Variants in ADAMTS12 observed in about 807,000 individuals in gnomAD.
ADAMTS12 encodes A disintegrin and metalloproteinase with thrombospondin motifs 12.
ADAMTS12 carries 118 observed loss-of-function variants against 167.8 expected under a neutral mutation model. The observed-to-expected ratio is 0.70, with a 90% CI of 0.61 to 0.82. ADAMTS12 has a LOEUF of 0.82. ADAMTS12 is among the 40% of genes least tolerant of loss of function. ADAMTS12 has a pLI of 0.00. For missense variants in ADAMTS12, 1,916 were observed against 1,998.8 expected, an observed-to-expected ratio of 0.96 and a Z score of 0.79; for synonymous variants, 704 against 716.9, an observed-to-expected ratio of 0.98 and a Z score of 0.29.
intron 2 of ADAMTS12, among the ~76,000 whole-genome samples, chr5:33,842,930 A>C (rs951149185): frequency 6.6e-6 from 1 of 152,224 alleles, no homozygotes; most frequent in African/African-American, 2.4e-5. Context: ...CATAGGGTCA[A>C]CTTCATAGAT....
intron 2 of ADAMTS12, among the ~76,000 whole-genome samples, chr5:33,872,417 C>T (rs1478966375): frequency 1.3e-5 from 2 of 151,970 alleles, no homozygotes; most frequent in African/African-American, 4.8e-5. Context: ...TATGGTGGCA[C>T]ACCCCTGTAG....
intron 16 of ADAMTS12, among the ~76,000 whole-genome samples, chr5:33,601,106 A>AGTGTGTGT (rs55841502): frequency 0.042 from 6,075 of 145,842 alleles, 135 homozygotes; most frequent in Middle Eastern, 0.087. Context: ...CACATTTAAG[A>AGTGTGTGT]GTGTGTGTGT....
intron 16 of ADAMTS12, among the ~76,000 whole-genome samples, chr5:33,603,067 A>G (rs1422935067): frequency 6.6e-6 from 1 of 152,200 alleles, no homozygotes; most frequent in African/African-American, 2.4e-5. Context: ...CCACTGTTGT[A>G]CCTACAGGCC....
chr5:33,866,031 T>C (rs1420301598), intron 2 of ADAMTS12, among the ~76,000 whole-genome samples: 1 of 152,180 alleles, frequency 6.6e-6, no homozygotes, highest in Non-Finnish European at 1.5e-5. Context: ...GTGACCATAC[T>C]GCAAAAGTAA....
At chr5:33,788,749 C>G (rs548958042) in intron 2 of ADAMTS12, among the ~76,000 whole-genome samples, 1 of 152,258 alleles carries the variant, frequency 6.6e-6, no homozygotes, top group South Asian at 2.1e-4. Flanking sequence ...AAACCTATTA[C>G]CAAAAACCCT....
chr5:33,782,548 C>T (rs999353136), intron 2 of ADAMTS12, among the ~76,000 whole-genome samples: 5 of 151,892 alleles, frequency 3.3e-5, no homozygotes, highest in African/African-American at 4.8e-5. Context: ...ACAAGAAACA[C>T]ACATTATATT....
At chr5:33,864,951 C>T (rs1342230186) in intron 2 of ADAMTS12, among the ~76,000 whole-genome samples, 2 of 151,920 alleles carry the variant, frequency 1.3e-5, no homozygotes, top group African/African-American at 4.8e-5. Context: ...AACAAACCTG[C>T]ACATTCTGCA....
chr5:33,696,278 G>A (rs1179924160), intron 3 of ADAMTS12, among the ~76,000 whole-genome samples: 5 of 151,374 alleles, frequency 3.3e-5, no homozygotes, highest in East Asian at 3.9e-4. Context: ...AAAATTAGCC[G>A]GGCACGGTGG....
At position 33,560,992 on chromosome 5, in the gene ADAMTS12, C is replaced by G. The variant is rs763973212; in HGVS notation, c.4125+35G>C. On this transcript the variant is annotated intron_variant, in intron 20 of 23. Coordinates refer to ENST00000504830, the MANE Select transcript of ADAMTS12 (RefSeq NM_030955.4). ...CCTTTCCAACCCATCCCCACCTTCT[C>G]TACCTCCAAGACTCTGCCAAGCCTG... 9 of 1,609,052 alleles carry G rather than the reference C, an allele frequency of 5.6e-6. No homozygotes were observed. In the African/African-American group the frequency reaches 9.4e-5, roughly 17 times the overall value.
At chr5:33,575,929 T>C (rs1746682358) in intron 19 of ADAMTS12, 125 bp downstream of exon 19, 1 of 1,389,512 alleles carries the variant, frequency 7.2e-7, no homozygotes, top group South Asian at 1.5e-5. Flanking sequence ...ATGGGTCTGA[T>C]TGCTTCCTTT....
chr5:33,814,481 C>G (rs1241928235), intron 2 of ADAMTS12, among the ~76,000 whole-genome samples: 2 of 152,152 alleles, frequency 1.3e-5, no homozygotes, highest in African/African-American at 4.8e-5. Flanking sequence ...TTAAGTGGAG[C>G]AGTCAATTAA....
intron 2 of ADAMTS12, among the ~76,000 whole-genome samples, chr5:33,810,405 G>A (rs1210695503): frequency 3.3e-5 from 5 of 152,186 alleles, no homozygotes; most frequent in African/African-American, 1.2e-4. Flanking sequence ...AGGATGATCA[G>A]AAGTAAATGT....
Position 33,641,884 on chromosome 5 carries a change from C to T in ADAMTS12, c.1644G>A (p.Trp548Ter), listed in dbSNP as rs1381623818. 1 of 1,613,734 alleles carries T rather than the reference C, an allele frequency of 6.2e-7. No individual in the cohort carries two copies. The highest frequency in any genetic ancestry group is 8.5e-7 in the Non-Finnish European group (1 of 1,179,746). Residue 548 changes from tryptophan to a stop codon, truncating the protein, a stop_gained, in exon 11 of 24, where the codon TGG (tryptophan) becomes TGA (stop). Coordinates refer to ENST00000504830, the MANE Select transcript of ADAMTS12 (RefSeq NM_030955.4). LOFTEE classifies it high-confidence loss of function. ...TCCTGGAACAGTGGGACCAGGGTGA[C>T]CAGCGGCCCCAGCCTCCAGGAATGC... ...PESIPGGWGR[W>*]SPWSHCSRTC...
At chr5:33,620,389 T>C (rs116486987) in intron 14 of ADAMTS12, among the ~76,000 whole-genome samples, 3,244 of 152,352 alleles carry the variant, frequency 0.021, 130 homozygotes, top group African/African-American at 0.074. Flanking sequence ...TTGCAGGAGA[T>C]CACTTTTTAC....
At chr5:33,879,303 T>C (rs1049859374) in intron 2 of ADAMTS12, among the ~76,000 whole-genome samples, 1 of 152,088 alleles carries the variant, frequency 6.6e-6, no homozygotes, top group Admixed American at 6.5e-5. Flanking sequence ...CAATGTGATG[T>C]TGATTCTGCA....
intron 18 of ADAMTS12, among the ~76,000 whole-genome samples, chr5:33,577,957 T>C (rs559662816): frequency 2.0e-5 from 3 of 152,178 alleles, no homozygotes; most frequent in Non-Finnish European, 2.9e-5. Flanking sequence ...TTCCTCAGGA[T>C]ACATGGTAAA....
At position 33,544,690 on chromosome 5, in the gene ADAMTS12, G is replaced by A. The variant is rs762994848; in HGVS notation, c.4446+1369C>T. 3.3e-5 allele frequency among the ~76,000 whole-genome samples: 5 copies of A among 152,166 alleles called. 1 individual carries two copies. In the South Asian group the frequency reaches 8.3e-4, roughly 25 times the overall value. On this transcript the variant is annotated intron_variant, in intron 22 of 23. Coordinates refer to ENST00000504830, the MANE Select transcript of ADAMTS12 (RefSeq NM_030955.4). ...TATAGACCAAAAGAACAGAACAGAG[G>A]CCTCAGAAATAACACCACACATCTA...
chr5:33,887,514 G>A (rs1750676511), intron 1 of ADAMTS12, among the ~76,000 whole-genome samples: 2 of 152,086 alleles, frequency 1.3e-5, no homozygotes, highest in African/African-American at 4.8e-5. Context: ...GTTTATACAA[G>A]GGTTTGTAGA....
chr5:33,536,011 C>T (rs956416882), intron 22 of ADAMTS12, among the ~76,000 whole-genome samples: 15 of 152,098 alleles, frequency 9.9e-5, no homozygotes, highest in African/African-American at 2.9e-4. Flanking sequence ...GAGGGAGATT[C>T]GCTGGCCTGG....
Sources: gnomAD v4.1 joint callset for allele counts (sites outside exome capture counted in the v4.1 genomes callset) on GRCh38, gnomAD v4.1.1 for gene constraint, MANE v1.5 for transcripts, NCBI Gene and HGNC (gene_info 2026-07-23, HGNC 2026-07-21) for gene names.